The following CKAP2 variants were observed in gnomAD, a reference collection of about 807,000 sequenced individuals.
CKAP2 encodes the protein cytoskeleton associated protein 2.
Under a neutral mutation model 58.4 loss-of-function variants are expected in CKAP2, and 46 were observed. The observed-to-expected ratio is 0.79, with a 90% confidence interval of 0.62 to 1.01. The LOEUF (loss-of-function observed/expected upper bound fraction) is 1.01, where lower values mean the gene tolerates loss of function less well. Ranked by LOEUF, CKAP2 falls within the 50% of genes least tolerant of loss-of-function variation. CKAP2 has a pLI of 0.00. For synonymous variants in CKAP2, 293 were observed against 280.9 expected (o/e 1.04, Z -0.43); for missense variants, 809 against 796.4 (o/e 1.02, Z -0.19).
intron 2 of CKAP2, among the ~76,000 whole-genome samples, chr13:52,458,301 G>C (rs1048972375): frequency 6.6e-6 from 1 of 152,006 alleles, no homozygotes; most frequent in African/African-American, 2.4e-5. Flanking sequence ...CCAAATAATT[G>C]TGTGTCTGAA....
rs1352723289 is a variant in CKAP2, at chr13:52,461,539, C to G, written c.713C>G (p.Thr238Ser). Residue 238 changes from threonine (T) to serine (S), a missense_variant, in exon 4 of 9, where the codon ACT becomes AGT. This residue lies in a region of CKAP2 where 523 missense variants were observed against 492.4 expected (regional missense o/e 1.06). Transcript: ENST00000258607. ...KSNRSSNMTA[T>S]TKFVSTTSQN... The stretch of plus-strand genomic sequence containing the variant: ...AATAGATCCTCCAATATGACTGCCA[C>G]TACTAAATTTGTGAGCACTACATCT... 6.2e-7 allele frequency: 1 copy of G among 1,614,172 alleles called. No individual in the cohort carries two copies. The highest frequency in any genetic ancestry group is 8.5e-7 in the Non-Finnish European group (1 of 1,180,032).
chr13:52,460,489 G>T (rs578161173), intron 2 of CKAP2, among the ~76,000 whole-genome samples: 15 of 151,270 alleles, frequency 9.9e-5, no homozygotes, highest in African/African-American at 1.2e-4. Flanking sequence ...CTGTCACCCA[G>T]GCTGGAGTGC....
At chr13:52,466,199 G>C (rs1051138877) in intron 6 of CKAP2, among the ~76,000 whole-genome samples, 2 of 151,902 alleles carry the variant, frequency 1.3e-5, no homozygotes, top group Non-Finnish European at 2.9e-5. Flanking sequence ...ACAAAGTTTT[G>C]GGTATAGAAT....
rs1958824496 is a variant in CKAP2 at position 52,476,040 on chromosome 13, A to C, written c.*899A>C. 1.3e-5 allele frequency: 2 copies of C among 152,224 alleles called. No individual in the cohort carries two copies. The highest frequency in any genetic ancestry group is 4.1e-4 in the South Asian group (2 of 4,830). 9.4% of individuals were successfully genotyped at this position (152,224 alleles called of 1,614,324 possible). On this transcript the variant is annotated 3_prime_UTR_variant, in exon 9 of 9. Transcript: ENST00000258607. ...TATAACATAAAAAACTTCACTGTTA[A>C]GTCATGTCCCTTGAAACATGATAGT... is the stretch of plus-strand genomic sequence containing the variant.
At position 52,473,662 on chromosome 13, in the gene CKAP2, T is replaced by A. The variant is rs1026755610; in HGVS notation, c.1547-167T>A. The A allele has an allele frequency of 7.2e-6, 4 of 554,286 alleles. No homozygotes were observed. The Admixed American group carries it at 1.3e-4, about 18-fold the overall frequency. 34.3% of individuals were successfully genotyped at this position (554,286 alleles called of 1,614,324 possible). A position where few individuals can be genotyped will look rare whatever the true frequency, so the allele number is the denominator to read the frequency against. ...ATTTATTTCATTTTATAATAGTATT[T>A]GTTATATAGTTGGCAGCAGTATTTG... On this transcript the variant is annotated intron_variant, in intron 7 of 8. Transcript: ENST00000258607.
At chr13:52,468,169 C>T in intron 6 of CKAP2, 109 bp from the exon 7 acceptor site, 1 of 646,886 alleles carries the variant, frequency 1.5e-6, no homozygotes, top group East Asian at 2.8e-5. Flanking sequence ...TTAAGAGCCA[C>T]TCTTACTTTA....
chr13:52,469,603 T>A (rs906968258), intron 7 of CKAP2, among the ~76,000 whole-genome samples: 20 of 147,876 alleles, frequency 1.4e-4, no homozygotes, highest in South Asian at 6.5e-4. Context: ...ATTTATTTTT[T>A]TTTTGAGACG....
intron 4 of CKAP2, 139 bp downstream of exon 4, chr13:52,462,065 G>T: frequency 3.6e-6 from 3 of 829,414 alleles, no homozygotes; most frequent in Non-Finnish European, 5.3e-6. Context: ...TTTATATTGT[G>T]GAACAATATG....
intron 7 of CKAP2, among the ~76,000 whole-genome samples, chr13:52,468,560 C>T (rs1480702548): frequency 6.6e-6 from 1 of 152,166 alleles, no homozygotes; most frequent in Non-Finnish European, 1.5e-5. Flanking sequence ...TCTCCCTCCT[C>T]CAACCCATGT....
chr13:52,462,691 C>T, intron 5 of CKAP2, 124 bp downstream of exon 5: 1 of 703,072 alleles, frequency 1.4e-6, no homozygotes, highest in Non-Finnish European at 2.3e-6. Flanking sequence ...GTTGACTTAA[C>T]ATTAACTGTG....
At position 52,461,015 on chromosome 13, in the gene CKAP2, C is replaced by T. The variant is rs749182773; in HGVS notation, c.231+41C>T. On this transcript the variant is annotated intron_variant, in intron 3 of 8. Transcript: ENST00000258607. ...AGCACTCTTAAACTGTCCCCTTTTC[C>T]ATTTTGCCTTTCCTAAACACTTTTC... The T allele has an allele frequency of 1.1e-5, 17 of 1,605,752 alleles. No individual in the cohort carries two copies. The East Asian group carries it at 3.6e-4, about 34-fold the overall frequency.
chr13:52,474,392 G>A (rs1401503058), intron 8 of CKAP2, among the ~76,000 whole-genome samples: 1 of 152,050 alleles, frequency 6.6e-6, no homozygotes, highest in Non-Finnish European at 1.5e-5. Context: ...GGGAGGCTGA[G>A]GTGAGAGGAT....
chr13:52,471,504 G>A (rs2137870442), intron 7 of CKAP2, among the ~76,000 whole-genome samples: 1 of 150,312 alleles, frequency 6.7e-6, no homozygotes, highest in Admixed American at 6.6e-5. Flanking sequence ...GTTCAGAAGA[G>A]GGTTAAAAAA....
chr13:52,474,100 G>A lies in CKAP2; in HGVS notation c.1802+16G>A, dbSNP rs1404223741. ...ACTTGCAAAGGTAAACTTTTAAAAT[G>A]TACCATGATTTGTTTTCATGCTTGG... On this transcript the variant is annotated intron_variant, in intron 8 of 8. Transcript: ENST00000258607. 6.3e-7 allele frequency: 1 copy of A among 1,596,186 alleles called. No homozygotes were observed.
chr13:52,459,149 G>A (rs1051675061), intron 2 of CKAP2, among the ~76,000 whole-genome samples: 4 of 152,064 alleles, frequency 2.6e-5, no homozygotes, highest in Non-Finnish European at 4.4e-5. Flanking sequence ...AAGATACCCT[G>A]TTAAGTGGCA....
chr13:52,456,514 G>T lies in CKAP2; in HGVS notation c.71-9G>T. The stretch of plus-strand genomic sequence containing the variant: ...ATATTGACTTGTAGCTCTTACCTTT[G>T]TTATCTAGAGCAAAGAAGACAAAAA... On this transcript the variant is annotated splice_polypyrimidine_tract_variant and intron_variant, in intron 1 of 8. Transcript: ENST00000258607. 1 of 1,600,062 alleles carries T rather than the reference G, an allele frequency of 6.2e-7. No homozygotes were observed. Among genetic ancestry groups the T allele is most frequent in the East Asian group, 2.2e-5 (1 of 44,770 alleles).
At chr13:52,474,747 G>A in intron 8 of CKAP2, 148 bp from the exon 9 acceptor site, 7 of 702,834 alleles carry the variant, frequency 1.0e-5, no homozygotes, top group South Asian at 6.2e-5. Flanking sequence ...TTCTCACTTC[G>A]GTGAGCTTAT....
At chr13:52,457,421 C>T (rs1402562808) in intron 2 of CKAP2, among the ~76,000 whole-genome samples, 3 of 152,116 alleles carry the variant, frequency 2.0e-5, no homozygotes, top group African/African-American at 7.2e-5. Flanking sequence ...AGTCTCAACC[C>T]TCCACAGAAA....
intron 8 of CKAP2, 118 bp from the exon 9 acceptor site, chr13:52,474,777 A>G (rs1284623118): frequency 9.9e-6 from 10 of 1,006,270 alleles, no homozygotes; most frequent in Non-Finnish European, 1.4e-5. Context: ...CTAAAAGACA[A>G]TTAAATGCTT....
Sources: allele counts gnomAD v4.1 joint callset (sites outside exome capture counted in the v4.1 genomes callset), GRCh38; gene constraint gnomAD v4.1.1; regional missense constraint gnomAD v4.1.1; transcripts MANE v1.5; gene names NCBI Gene and HGNC (gene_info 2026-07-23, HGNC 2026-07-21).